EPHA6: variants seen among roughly 807,000 people sequenced by gnomAD.
The protein encoded by EPHA6 is ephrin type-A receptor 6.
A neutral mutation model predicts 112.0 loss-of-function variants in EPHA6; 50 were observed. The observed-to-expected ratio is 0.45, with a 90% CI of 0.36 to 0.56. EPHA6 has a LOEUF of 0.56. Ranked by LOEUF, EPHA6 falls within the 20% of genes least tolerant of loss-of-function variation. EPHA6 has a pLI of 0.00. For missense variants in EPHA6, 1,280 were observed against 1,417.4 expected (o/e 0.90, Z 1.56); for synonymous variants, 529 against 490.7 (o/e 1.08, Z -1.03).
chr3:97,507,433 TG>T (rs1239027372), intron 10 of EPHA6, among the ~76,000 whole-genome samples: 2 of 152,210 alleles, frequency 1.3e-5, no homozygotes, highest in African/African-American at 2.4e-5. Context: ...TTGTGGTTTT[TG>T]TCATTGGTTT....
intron 11 of EPHA6, among the ~76,000 whole-genome samples, chr3:97,575,071 C>T (rs540963399): frequency 6.6e-6 from 1 of 152,094 alleles, no homozygotes; most frequent in East Asian, 1.9e-4. Flanking sequence ...CTTTTTTAAC[C>T]TATCTAGTAA....
chr3:97,202,493 G>A (rs1237127846), intron 3 of EPHA6, among the ~76,000 whole-genome samples: 6 of 151,768 alleles, frequency 4.0e-5, no homozygotes, highest in Admixed American at 1.3e-4. Context: ...CTCCATGCCC[G>A]GCTAGGTTTT....
At chr3:97,339,357 C>T (rs1376136721) in intron 5 of EPHA6, among the ~76,000 whole-genome samples, 2 of 152,198 alleles carry the variant, frequency 1.3e-5, no homozygotes, top group Non-Finnish European at 2.9e-5. Context: ...CTGGTCTTCA[C>T]TCTGATCCCT....
chr3:97,665,127 A>G (rs892508457), intron 14 of EPHA6, among the ~76,000 whole-genome samples: 9 of 152,172 alleles, frequency 5.9e-5, no homozygotes, highest in African/African-American at 2.2e-4. Flanking sequence ...AGAGATACAG[A>G]CCAATGGAAC....
chr3:97,404,990 C>T (rs978795240), intron 5 of EPHA6, among the ~76,000 whole-genome samples, 160 bp from the exon 6 acceptor site: 2 of 152,042 alleles, frequency 1.3e-5, no homozygotes, highest in African/African-American at 4.8e-5. Flanking sequence ...TTATTTGGAT[C>T]GAATAGAGCA....
intron 5 of EPHA6, among the ~76,000 whole-genome samples, chr3:97,332,842 C>G (rs1683223011): frequency 6.6e-6 from 1 of 152,094 alleles, no homozygotes; most frequent in South Asian, 2.1e-4. Flanking sequence ...CCCTTCAATA[C>G]TACACTGTCT....
intron 3 of EPHA6, among the ~76,000 whole-genome samples, chr3:97,220,569 G>A (rs1387713975): frequency 6.6e-6 from 1 of 152,178 alleles, no homozygotes; most frequent in Non-Finnish European, 1.5e-5. Flanking sequence ...CAAGGCAAGA[G>A]GAAGGAGAAT....
chr3:97,508,437 A>C (rs1304971423), intron 10 of EPHA6, among the ~76,000 whole-genome samples: 1 of 152,180 alleles, frequency 6.6e-6, no homozygotes, highest in Admixed American at 6.5e-5. Flanking sequence ...GTCATCCAGG[A>C]GCAGGTTGTT....
chr3:96,965,861 A>C (rs1576189889), intron 2 of EPHA6, among the ~76,000 whole-genome samples: 1 of 152,058 alleles, frequency 6.6e-6, no homozygotes, highest in Non-Finnish European at 1.5e-5. Context: ...ATTTTTCTTC[A>C]TATAGTAAGC....
At chr3:97,553,734 A>G (rs776174133) in intron 11 of EPHA6, among the ~76,000 whole-genome samples, 10 of 152,110 alleles carry the variant, frequency 6.6e-5, no homozygotes, top group South Asian at 2.1e-4. Flanking sequence ...ACCATATCAC[A>G]TTGTATCCTG....
chr3:97,384,489 C>T (rs1577184347), intron 5 of EPHA6, among the ~76,000 whole-genome samples: 1 of 152,128 alleles, frequency 6.6e-6, no homozygotes, highest in East Asian at 1.9e-4. Context: ...GTAGCTTTAG[C>T]CTGTCAATGG....
intron 5 of EPHA6, among the ~76,000 whole-genome samples, chr3:97,356,992 GTCT>G (rs1253903378): frequency 6.6e-6 from 1 of 152,020 alleles, no homozygotes; most frequent in Non-Finnish European, 1.5e-5. Context: ...TAAATATTAT[GTCT>G]TCTTGCTGTA....
intron 14 of EPHA6, among the ~76,000 whole-genome samples, chr3:97,641,720 C>T (rs562760805): frequency 2.6e-5 from 4 of 152,340 alleles, no homozygotes; most frequent in African/African-American, 7.2e-5. Flanking sequence ...CCGAATATTG[C>T]GCTTTTCAGA....
chr3:97,369,896 A>G (rs1001263613), intron 5 of EPHA6, among the ~76,000 whole-genome samples: 2 of 152,308 alleles, frequency 1.3e-5, no homozygotes, highest in African/African-American at 4.8e-5. Flanking sequence ...CAAAAAAATC[A>G]AAGTTTTCAA....
At chr3:97,248,891 G>A (rs1161506550) in intron 5 of EPHA6, among the ~76,000 whole-genome samples, 1 of 152,032 alleles carries the variant, frequency 6.6e-6, no homozygotes, top group Non-Finnish European at 1.5e-5. Context: ...ACATGTTGCT[G>A]GAGTAAGTAA....
At chr3:97,091,500 G>A (rs1269909134) in intron 3 of EPHA6, among the ~76,000 whole-genome samples, 2 of 152,098 alleles carry the variant, frequency 1.3e-5, no homozygotes, top group Non-Finnish European at 2.9e-5. Flanking sequence ...TTTTTGCATA[G>A]GAAGTGTATA....
intron 2 of EPHA6, among the ~76,000 whole-genome samples, chr3:96,912,223 T>C (rs1323086020): frequency 1.3e-5 from 2 of 152,170 alleles, no homozygotes; most frequent in African/African-American, 4.8e-5. Flanking sequence ...AATGTAACCA[T>C]TTTGTAATGC....
At chr3:97,484,883 G>T (rs921426777) in intron 10 of EPHA6, among the ~76,000 whole-genome samples, 1 of 152,196 alleles carries the variant, frequency 6.6e-6, no homozygotes, top group Non-Finnish European at 1.5e-5. Flanking sequence ...CTCTGGTTTT[G>T]CTTTTAAGGC....
chr3:97,202,613 C>A (rs544205170), intron 3 of EPHA6, among the ~76,000 whole-genome samples: 1 of 152,170 alleles, frequency 6.6e-6, no homozygotes, highest in South Asian at 2.1e-4. Flanking sequence ...GGATTACAGG[C>A]GTAAGCCACC....
Sources: allele counts gnomAD v4.1 joint callset (sites outside exome capture counted in the v4.1 genomes callset), GRCh38; gene constraint gnomAD v4.1.1; transcripts MANE v1.5; gene names NCBI Gene and HGNC (gene_info 2026-07-23, HGNC 2026-07-21).